The following ANK3 variants were observed in gnomAD, a reference collection of about 807,000 sequenced individuals.
The protein encoded by ANK3 is ankyrin 3.
A neutral mutation model predicts 370.9 loss-of-function variants in ANK3; 57 were observed. The ratio of observed to expected loss-of-function variants is 0.15; its 90% CI spans 0.12 to 0.19. ANK3 has a LOEUF of 0.19. Among genes scored for constraint, ANK3 ranks in the 10% least tolerant of loss-of-function variants. The pLI, the probability that ANK3 is intolerant of heterozygous loss-of-function variation, is 1.00. For synonymous variants in ANK3, 1,929 were observed against 1,946.3 expected, an observed-to-expected ratio of 0.99 and a Z score of 0.23; for missense variants, 4,439 against 5,302.1, an observed-to-expected ratio of 0.84 and a Z score of 5.06.
At chr10:60,444,907 T>C (rs2064402453) in intron 2 of ANK3, among the ~76,000 whole-genome samples, 1 of 152,140 alleles carries the variant, frequency 6.6e-6, no homozygotes, top group Non-Finnish European at 1.5e-5. Flanking sequence ...TGGTAAAACT[T>C]TTTTTCTTGC....
At position 60,732,534 on chromosome 10, in the gene ANK3, C is replaced by CTCGGAGA. The variant is rs1381713639; in HGVS notation, c.57+722_57+728dup. ...TTTGTTTGCATGCCTTTACAAGGCT[C>CTCGGAGA]TCGGAGATCGGAGATCGAAGAGAAG... On this transcript the variant is annotated intron_variant, in intron 1 of 43. Coordinates refer to the ANK3 transcript ENST00000373827. 7.2e-5 allele frequency among the ~76,000 whole-genome samples: 11 copies of CTCGGAGA among 152,234 alleles called. No homozygotes were observed. In the East Asian group the frequency reaches 1.9e-3, roughly 27 times the overall value.
At chr10:60,052,702 T>G (rs1233142002) in intron 42 of ANK3, among the ~76,000 whole-genome samples, 4 of 152,192 alleles carry the variant, frequency 2.6e-5, no homozygotes, top group African/African-American at 9.6e-5. Flanking sequence ...GTTAAATTTC[T>G]AAATTTTAAT....
intron 1 of ANK3, among the ~76,000 whole-genome samples, chr10:60,289,703 T>C (rs972361979): frequency 2.0e-5 from 3 of 152,176 alleles, no homozygotes; most frequent in Non-Finnish European, 2.9e-5. Context: ...TGCCCCCTGC[T>C]TTTCATAGCC....
At chr10:60,184,830 CA>C (rs2096283098) in intron 17 of ANK3, among the ~76,000 whole-genome samples, 1 of 152,120 alleles carries the variant, frequency 6.6e-6, no homozygotes, top group African/African-American at 2.4e-5. Context: ...TGGAAATATT[CA>C]ATTTAAACCA....
exon 1 of ANK3, chr10:60,733,474 T>C (rs751617350): frequency 9.8e-6 from 6 of 609,356 alleles, no homozygotes; most frequent in African/African-American, 1.9e-5. Context: ...CAGCGCGGCC[T>C]ATCCTCCTCC....
chr10:60,514,381 G>A (rs2076164992), intron 2 of ANK3, among the ~76,000 whole-genome samples: 1 of 152,116 alleles, frequency 6.6e-6, no homozygotes, highest in South Asian at 2.1e-4. Flanking sequence ...GTAATAGCCA[G>A]TAAAGTTTAG....
At chr10:60,366,858 C>T (rs979741778) in intron 1 of ANK3, among the ~76,000 whole-genome samples, 5 of 151,956 alleles carry the variant, frequency 3.3e-5, no homozygotes, top group East Asian at 1.9e-4. Flanking sequence ...CTTATTTTTT[C>T]GGTTTCCCCT....
intron 6 of ANK3, 106 bp downstream of exon 6, chr10:60,263,729 T>C (rs2097842497): frequency 3.1e-6 from 4 of 1,290,960 alleles, no homozygotes; most frequent in African/African-American, 1.5e-5. Flanking sequence ...TTCAATGAAG[T>C]TAAAGGCATG....
chr10:60,678,170 T>G (rs561266987), intron 1 of ANK3, among the ~76,000 whole-genome samples: 1 of 152,348 alleles, frequency 6.6e-6, no homozygotes, highest in African/African-American at 2.4e-5. Flanking sequence ...CTTGAATATT[T>G]CAAAACCATA....
chr10:60,434,683 A>G (rs767761711), intron 2 of ANK3, among the ~76,000 whole-genome samples: 34 of 152,330 alleles, frequency 2.2e-4, no homozygotes, highest in Non-Finnish European at 3.8e-4. Context: ...CTTAGGAACT[A>G]TGCTCCCAAT....
intron 1 of ANK3, among the ~76,000 whole-genome samples, chr10:60,361,417 T>C (rs933828516): frequency 6.6e-6 from 1 of 152,234 alleles, no homozygotes. Flanking sequence ...TTCTTCAAAG[T>C]TTCTATGGTG....
intron 2 of ANK3, among the ~76,000 whole-genome samples, chr10:60,601,167 T>C (rs2078056048): frequency 9.4e-6 from 1 of 106,726 alleles, no homozygotes; most frequent in African/African-American, 3.5e-5. Context: ...TAAACATTTA[T>C]ACAACGCACA....
intron 1 of ANK3, among the ~76,000 whole-genome samples, chr10:60,667,339 A>G (rs2079011431): frequency 6.6e-6 from 1 of 151,498 alleles, no homozygotes; most frequent in African/African-American, 2.4e-5. Flanking sequence ...CCCACTCTTA[A>G]AAGTCTAAGG....
intron 1 of ANK3, among the ~76,000 whole-genome samples, chr10:60,356,865 C>A (rs931101887): frequency 6.6e-6 from 1 of 152,128 alleles, no homozygotes; most frequent in East Asian, 1.9e-4. Context: ...TGCACCACCA[C>A]GCCTGGCTAA....
intron 2 of ANK3, among the ~76,000 whole-genome samples, chr10:60,402,368 T>C (rs1341869925): frequency 6.6e-6 from 1 of 152,200 alleles, no homozygotes; most frequent in Non-Finnish European, 1.5e-5. Context: ...CAGTAAGGCC[T>C]GGGAGGATGC....
At chr10:60,192,487 C>T (rs2096504994) in intron 16 of ANK3, among the ~76,000 whole-genome samples, 1 of 151,036 alleles carries the variant, frequency 6.6e-6, no homozygotes, top group Non-Finnish European at 1.5e-5. Context: ...CACATAAATA[C>T]ACACACACAC....
At chr10:60,093,021 C>A (rs925205455) in intron 28 of ANK3, among the ~76,000 whole-genome samples, 1 of 152,216 alleles carries the variant, frequency 6.6e-6, no homozygotes, top group African/African-American at 2.4e-5. Flanking sequence ...CAGGTGTGAG[C>A]CACTGCACCC....
At chr10:60,655,422 G>A (rs2078850107) in intron 1 of ANK3, among the ~76,000 whole-genome samples, 1 of 151,540 alleles carries the variant, frequency 6.6e-6, no homozygotes, top group South Asian at 2.1e-4. Flanking sequence ...TTTGTGTCTA[G>A]CTTTAAACAG....
intron 1 of ANK3, among the ~76,000 whole-genome samples, chr10:60,705,640 C>T (rs2079603563): frequency 6.6e-6 from 1 of 151,884 alleles, no homozygotes; most frequent in Non-Finnish European, 1.5e-5. Flanking sequence ...TTTCTTCCCC[C>T]ACAAAATATG....
Sources: allele counts gnomAD v4.1 joint callset (sites outside exome capture counted in the v4.1 genomes callset), GRCh38; gene constraint gnomAD v4.1.1; transcripts MANE v1.5; gene names NCBI Gene and HGNC (gene_info 2026-07-23, HGNC 2026-07-21).